The following TENM3 variants were observed in gnomAD, a reference collection of about 807,000 sequenced individuals.
The protein encoded by TENM3 is teneurin-3.
Under a neutral mutation model 255.1 loss-of-function variants are expected in TENM3, and 63 were observed. The observed-to-expected ratio is 0.25, with a 90% CI of 0.20 to 0.30. The LOEUF (loss-of-function observed/expected upper bound fraction) is 0.30. TENM3 is among the 10% of genes least tolerant of loss of function. The pLI, the probability that TENM3 is intolerant of heterozygous loss-of-function variation, is 1.00. For missense variants in TENM3, 2,929 were observed against 3,461.1 expected (o/e 0.85, Z 3.86); for synonymous variants, 1,306 against 1,322.3 (o/e 0.99, Z 0.27).
the TENM3 span, among the ~76,000 whole-genome samples, chr4:181,978,670 G>GA: frequency 7.9e-4 from 107 of 134,832 alleles, no homozygotes; most frequent in Middle Eastern, 4.0e-3. Flanking sequence ...GAAAAGAAAA[G>GA]AAAAAAAAAA....
intron 3 of TENM3, among the ~76,000 whole-genome samples, chr4:182,419,046 G>A (rs957525752): frequency 3.9e-5 from 6 of 152,030 alleles, no homozygotes; most frequent in African/African-American, 9.7e-5. Context: ...CTGACAATTC[G>A]GCCTTACAAA....
the TENM3 span, among the ~76,000 whole-genome samples, chr4:181,862,504 A>G: frequency 6.6e-6 from 1 of 152,094 alleles, no homozygotes; most frequent in African/African-American, 2.4e-5. Context: ...TTCATTAACA[A>G]AAGTGCCTCC....
chr4:182,445,540 G>A (rs1281258294), intron 3 of TENM3, among the ~76,000 whole-genome samples: 1 of 152,058 alleles, frequency 6.6e-6, no homozygotes. Context: ...AGGAGAGAGA[G>A]GTCAGAAGCA....
intron 1 of TENM3, among the ~76,000 whole-genome samples, chr4:182,185,262 C>T (rs77308705): frequency 0.048 from 7,336 of 152,218 alleles, 248 homozygotes; most frequent in Non-Finnish European, 0.07. Context: ...AACTTTAGTG[C>T]CATCTTCGGC....
At chr4:181,794,214 C>T in the TENM3 span, among the ~76,000 whole-genome samples, 1 of 152,064 alleles carries the variant, frequency 6.6e-6, no homozygotes, top group Non-Finnish European at 1.5e-5. Context: ...ACTGCAAAGT[C>T]ACTACCACAG....
chr4:181,493,566 A>G, the TENM3 span, among the ~76,000 whole-genome samples: 4 of 151,896 alleles, frequency 2.6e-5, no homozygotes, highest in African/African-American at 7.3e-5. Flanking sequence ...CGTCTCTAGT[A>G]AAAAACAAAC....
intron 3 of TENM3, among the ~76,000 whole-genome samples, chr4:182,553,746 G>C (rs1188031675): frequency 6.6e-6 from 1 of 152,182 alleles, no homozygotes; most frequent in Non-Finnish European, 1.5e-5. Context: ...GACCACAACA[G>C]CTTGATAACT....
chr4:182,070,005 GT>G, the TENM3 span, among the ~76,000 whole-genome samples: 1 of 152,170 alleles, frequency 6.6e-6, no homozygotes, highest in Non-Finnish European at 1.5e-5. Flanking sequence ...TTAAATAAGA[GT>G]TTGTAAAGAG....
chr4:182,292,183 G>A (rs1761174452), intron 1 of TENM3, among the ~76,000 whole-genome samples: 1 of 152,062 alleles, frequency 6.6e-6, no homozygotes, highest in African/African-American at 2.4e-5. Context: ...AAGATTTATT[G>A]TAAAAAAATG....
chr4:182,586,549 A>C (rs1411750039), intron 3 of TENM3, among the ~76,000 whole-genome samples: 1 of 152,182 alleles, frequency 6.6e-6, no homozygotes, highest in Non-Finnish European at 1.5e-5. Flanking sequence ...GAATTCAGCA[A>C]ATACACGTCT....
the TENM3 span, among the ~76,000 whole-genome samples, chr4:181,786,697 CTTT>C: frequency 4.1e-5 from 6 of 144,890 alleles, no homozygotes; most frequent in Admixed American, 1.4e-4. Flanking sequence ...AAGACAATCA[CTTT>C]TTTTTTTTTT....
chr4:181,868,363 C>A, the TENM3 span, among the ~76,000 whole-genome samples: 11 of 152,024 alleles, frequency 7.2e-5, no homozygotes, highest in African/African-American at 2.4e-4. Context: ...GAGGAACTAT[C>A]TTTTTGAAGG....
chr4:182,145,700 C>A (rs560589177), intron 1 of TENM3, among the ~76,000 whole-genome samples: 7 of 152,138 alleles, frequency 4.6e-5, no homozygotes, highest in African/African-American at 1.7e-4. Flanking sequence ...TTTCCAGGTA[C>A]GTGTGAGGAG....
chr4:182,799,747 G>T lies in TENM3; in HGVS notation c.7496G>T (p.Gly2499Val), dbSNP rs1477839220. Residue 2499 changes from glycine (G) to valine (V), a missense_variant, in exon 28 of 28, where the codon GGC becomes GTC. By Grantham distance (109) the Gly-to-Val change is moderately radical. This residue lies in a region of TENM3 where 476 missense variants were observed against 480.1 expected (regional missense o/e 0.99). Coordinates refer to ENST00000511685, the MANE Select transcript of TENM3 (RefSeq NM_001080477.4). The surrounding 1 kb of genome is among the most constrained non-coding windows in gnomAD (Gnocchi z 4.2). Reference sequence around the variant, plus strand: ...ACGGTCAAGTCGCTGATCGGCAAGGGCGTCATGCTGGCCGTCAGCCAGGGC... The same window carrying T: ...ACGGTCAAGTCGCTGATCGGCAAGGTCGTCATGCTGGCCGTCAGCCAGGGC... ...FATVKSLIGKGVMLAVSQGRV... is the reference protein window; with the variant it reads ...FATVKSLIGKVVMLAVSQGRV... 6.4e-7 allele frequency: 1 copy of T among 1,565,760 alleles called. No individual in the cohort carries two copies. The highest frequency in any genetic ancestry group is 1.9e-5 in the Admixed American group (1 of 52,616).
chr4:182,618,726 G>A (rs920211465), intron 4 of TENM3, among the ~76,000 whole-genome samples: 2 of 152,026 alleles, frequency 1.3e-5, no homozygotes, highest in Non-Finnish European at 2.9e-5. Context: ...GGTATACTGT[G>A]CGGGTCCAAA....
rs773984641 is a variant in TENM3 at position 182,679,717 on chromosome 4, C to T, written c.1378C>T (p.Arg460Trp). The T allele has an allele frequency of 2.0e-5, 33 of 1,613,376 alleles. No individual in the cohort carries two copies. In the South Asian group the frequency reaches 2.5e-4, roughly 12 times the overall value. ...DGSRLIAREQ[R>W]SLLETERAGR... ...CAGCAGGCTGATTGCCAGAGAGCAG[C>T]GGAGCCTGCTTGAGACGGAGAGAGC... Residue 460 changes from arginine (R) to tryptophan (W), a missense_variant, in exon 8 of 28, where the codon CGG becomes TGG. Physicochemically the swap from Arg to Trp is moderately radical, Grantham distance 101. Coordinates refer to ENST00000511685, the MANE Select transcript of TENM3 (RefSeq NM_001080477.4).
the TENM3 span, among the ~76,000 whole-genome samples, chr4:181,626,200 G>C: frequency 6.6e-6 from 1 of 152,158 alleles, no homozygotes; most frequent in Non-Finnish European, 1.5e-5. Flanking sequence ...TGCGGTGGCA[G>C]AGGGGACACT....
the TENM3 span, among the ~76,000 whole-genome samples, chr4:181,474,132 A>T: frequency 6.6e-6 from 1 of 151,990 alleles, no homozygotes; most frequent in African/African-American, 2.4e-5. Flanking sequence ...GGACACAGGG[A>T]AGGGAACATC....
chr4:182,431,718 C>T (rs981256838), intron 3 of TENM3, among the ~76,000 whole-genome samples: 56 of 151,986 alleles, frequency 3.7e-4, no homozygotes, highest in African/African-American at 1.3e-3. Context: ...TTGGATGTGT[C>T]GCATTAGAAT....
Sources: allele counts gnomAD v4.1 joint callset (sites outside exome capture counted in the v4.1 genomes callset), GRCh38; gene constraint gnomAD v4.1.1; regional missense constraint gnomAD v4.1.1; non-coding constraint Gnocchi (gnomAD v3.1); transcripts MANE v1.5; gene names NCBI Gene and HGNC (gene_info 2026-07-23, HGNC 2026-07-21).